Variants in TSPAN2 observed in about 807,000 individuals in gnomAD.
TSPAN2 encodes tetraspanin-2.
A neutral mutation model predicts 33.3 loss-of-function variants in TSPAN2; 24 were observed. That is an observed-to-expected ratio of 0.72 (90% CI 0.52 to 1.01). The LOEUF (loss-of-function observed/expected upper bound fraction) is 1.01. Among genes scored for constraint, TSPAN2 ranks in the 50% least tolerant of loss-of-function variants. The pLI is 0.00. For missense variants in TSPAN2, 278 were observed against 281.3 expected, an observed-to-expected ratio of 0.99 and a Z score of 0.08; for synonymous variants, 114 against 104.5, an observed-to-expected ratio of 1.09 and a Z score of -0.56.
intron 1 of TSPAN2, among the ~76,000 whole-genome samples, chr1:115,080,562 A>C (rs1648587803): frequency 6.6e-6 from 1 of 152,226 alleles, no homozygotes; most frequent in Admixed American, 6.5e-5. Flanking sequence ...GGTGTGAGCC[A>C]CCATGCCCAG....
At position 115,057,524 on chromosome 1, in the gene TSPAN2, G is replaced by A; in HGVS notation, c.516+13C>T. ...ATACTACAGGTAGAGTAAGAACCTT[G>A]GTAGAAGCTTACCTTGTGTCCTAGA... On this transcript the variant is annotated intron_variant, in intron 6 of 7. Coordinates refer to ENST00000369516, the MANE Select transcript of TSPAN2 (RefSeq NM_005725.6). The A allele has an allele frequency of 6.2e-7, 1 of 1,613,082 alleles. No homozygotes were observed. Among genetic ancestry groups the A allele is most frequent in the South Asian group, 1.1e-5 (1 of 91,040 alleles).
At chr1:115,067,605 C>T (rs1647998784) in intron 2 of TSPAN2, among the ~76,000 whole-genome samples, 1 of 151,962 alleles carries the variant, frequency 6.6e-6, no homozygotes, top group Non-Finnish European at 1.5e-5. Flanking sequence ...GCCAAGCCAC[C>T]CCCTTGGTGT....
intron 1 of TSPAN2, among the ~76,000 whole-genome samples, chr1:115,079,163 A>T (rs2101045376): frequency 1.4e-5 from 2 of 143,078 alleles, no homozygotes; most frequent in South Asian, 4.5e-4. Flanking sequence ...ACACACACAC[A>T]CACACGCGCA....
At position 115,062,249 on chromosome 1, in the gene TSPAN2, A is replaced by G; in HGVS notation, c.173-17T>C. ...CATACAGCCCTGTGGGGAAGAGGTC[A>G]GAGGAGACCACTGAGAGCCAACCGA... is the stretch of plus-strand genomic sequence containing the variant. On this transcript the variant is annotated splice_polypyrimidine_tract_variant and intron_variant, in intron 2 of 7. Transcript: ENST00000369516. 1 of 1,567,316 alleles carries G rather than the reference A, an allele frequency of 6.4e-7. No homozygotes were observed. Among genetic ancestry groups the G allele is most frequent in the Non-Finnish European group, 8.7e-7 (1 of 1,154,966 alleles).
intron 1 of TSPAN2, among the ~76,000 whole-genome samples, chr1:115,074,310 C>T (rs896467925): frequency 3.3e-5 from 5 of 152,162 alleles, no homozygotes; most frequent in African/African-American, 9.7e-5. Flanking sequence ...GACGATCTGG[C>T]TGGATTTCTA....
chr1:115,061,620 G>A (rs7526323), intron 3 of TSPAN2, among the ~76,000 whole-genome samples: 51,886 of 151,888 alleles, frequency 0.34, 9,324 homozygotes, highest in South Asian at 0.51. Context: ...CACCAATGAC[G>A]TCATTTCTTT....
chr1:115,067,383 T>C (rs1466464822), intron 2 of TSPAN2, among the ~76,000 whole-genome samples: 1 of 152,230 alleles, frequency 6.6e-6, no homozygotes, highest in Non-Finnish European at 1.5e-5. Flanking sequence ...GCCTGCCAAC[T>C]ATGGCTTGAG....
At chr1:115,060,343 T>C (rs1259608299) in intron 4 of TSPAN2, 121 bp downstream of exon 4, 1 of 788,672 alleles carries the variant, frequency 1.3e-6, no homozygotes, top group Non-Finnish European at 2.0e-6. Flanking sequence ...CACTTCTAAG[T>C]TAAAAAGTTC....
chr1:115,086,566 C>T (rs1189719592), intron 1 of TSPAN2, among the ~76,000 whole-genome samples: 1 of 152,294 alleles, frequency 6.6e-6, no homozygotes, highest in South Asian at 2.1e-4. Context: ...TAGAGAAGGT[C>T]GGATCTAACC....
intron 4 of TSPAN2, among the ~76,000 whole-genome samples, chr1:115,059,875 C>G (rs1647600332): frequency 6.6e-6 from 1 of 152,178 alleles, no homozygotes; most frequent in South Asian, 2.1e-4. Context: ...ATGTGAAATA[C>G]ACCAAACTTA....
chr1:115,067,744 C>T (rs545252904), intron 2 of TSPAN2, among the ~76,000 whole-genome samples: 27 of 152,182 alleles, frequency 1.8e-4, no homozygotes, highest in African/African-American at 6.5e-4. Context: ...GTGGCTCCTG[C>T]GTGTGTGGGC....
chr1:115,078,770 A>T (rs1006334643), intron 1 of TSPAN2, among the ~76,000 whole-genome samples: 8 of 152,236 alleles, frequency 5.3e-5, no homozygotes, highest in African/African-American at 1.4e-4. Flanking sequence ...TTATATTTTT[A>T]AAATGTCAGC....
At chr1:115,064,492 C>A (rs1647862419) in intron 2 of TSPAN2, among the ~76,000 whole-genome samples, 1 of 152,238 alleles carries the variant, frequency 6.6e-6, no homozygotes, top group Non-Finnish European at 1.5e-5. Flanking sequence ...GGGAATTCAC[C>A]ATGATCTGGC....
rs1404943661 is a variant in TSPAN2 at position 115,057,566 on chromosome 1, T to C, written c.487A>G (p.Thr163Ala). 1.2e-6 allele frequency: 2 copies of C among 1,614,050 alleles called. No individual in the cohort carries two copies. Among genetic ancestry groups the C allele is most frequent in the Non-Finnish European group, 1.7e-6 (2 of 1,180,014 alleles). The change falls in exon 6 of 8, where the codon ACA (threonine) becomes GCA (alanine). Residue 163 changes from threonine to alanine, a missense_variant. Physicochemically the swap from Thr to Ala is moderately conservative, Grantham distance 58. Transcript: ENST00000369516. ...TGTCCTAGAAGCTCCTTTGGGCATGTAGGTTGGACCTGTTCGGAGCTTTCT... is the reference window on the plus strand; with the variant it reads ...TGTCCTAGAAGCTCCTTTGGGCATGCAGGTTGGACCTGTTCGGAGCTTTCT... ...GKESSEQVQP[T>A]CPKELLGHKN...
At chr1:115,060,396 T>A in intron 4 of TSPAN2, 68 bp downstream of exon 4, 8 of 1,279,266 alleles carry the variant, frequency 6.3e-6, no homozygotes, top group East Asian at 2.3e-5. Flanking sequence ...TTCTTAACAC[T>A]ATTGTGGGTA....
chr1:115,076,382 C>T (rs1432707466), intron 1 of TSPAN2, among the ~76,000 whole-genome samples: 2 of 152,200 alleles, frequency 1.3e-5, no homozygotes, highest in Middle Eastern at 3.4e-3. Flanking sequence ...CAAGGTCTGC[C>T]TGAGGGGAGG....
At chr1:115,055,082 CT>C (rs1321830382) in intron 6 of TSPAN2, among the ~76,000 whole-genome samples, 3 of 152,280 alleles carry the variant, frequency 2.0e-5, no homozygotes, top group South Asian at 2.1e-4. Context: ...CTGCCAGTTA[CT>C]TTTTTTCCTT....
chr1:115,068,919 C>A (rs1274298730), intron 2 of TSPAN2, among the ~76,000 whole-genome samples: 1 of 152,230 alleles, frequency 6.6e-6, no homozygotes, highest in African/African-American at 2.4e-5. Flanking sequence ...AAGCACGGAC[C>A]TGGCTGTCAG....
chr1:115,083,868 C>A (rs77088165), intron 1 of TSPAN2, among the ~76,000 whole-genome samples: 4,939 of 152,224 alleles, frequency 0.032, 121 homozygotes, highest in Non-Finnish European at 0.045. Context: ...ACAGTCCCTG[C>A]CCTCAAGGAG....
Sources: allele counts gnomAD v4.1 joint callset (sites outside exome capture counted in the v4.1 genomes callset), GRCh38; gene constraint gnomAD v4.1.1; transcripts MANE v1.5; gene names NCBI Gene and HGNC (gene_info 2026-07-23, HGNC 2026-07-21).